The following CCT6A variants were observed in gnomAD, a reference collection of about 807,000 sequenced individuals.
CCT6A encodes the protein T-complex protein 1 subunit zeta.
In CCT6A, 6 loss-of-function variants were observed where a neutral mutation model predicts 58.6. The ratio of observed to expected loss-of-function variants is 0.10; its 90% CI spans 0.06 to 0.20. The LOEUF is 0.20. CCT6A is among the 10% of genes least tolerant of loss of function. The pLI is 1.00. For synonymous variants in CCT6A, 245 were observed against 227.8 expected (o/e 1.08, Z -0.68); for missense variants, 516 against 648.8 (o/e 0.80, Z 2.22).
At chr7:56,062,816 C>G in intron 13 of CCT6A, 61 bp downstream of exon 13, 1 of 1,435,400 alleles carries the variant, frequency 7.0e-7, no homozygotes, top group Non-Finnish European at 9.8e-7. Flanking sequence ...ATTTGGTGTT[C>G]TCTGTTTAGT....
At chr7:56,062,832 C>G (rs1679606523) in intron 13 of CCT6A, 77 bp downstream of exon 13, 2 of 1,300,584 alleles carry the variant, frequency 1.5e-6, no homozygotes, top group South Asian at 2.4e-5. Context: ...TTAGTTGCTC[C>G]TTTCCCCCAT....
At chr7:56,056,844 G>A (rs1167637721) in intron 5 of CCT6A, among the ~76,000 whole-genome samples, 1 of 150,864 alleles carries the variant, frequency 6.6e-6, no homozygotes, top group Non-Finnish European at 1.5e-5. Context: ...GCCCAGCCTG[G>A]AGTGTACAGT....
At chr7:56,059,190 G>C (rs1366578811) in intron 8 of CCT6A, among the ~76,000 whole-genome samples, 1 of 151,788 alleles carries the variant, frequency 6.6e-6, no homozygotes. Flanking sequence ...TAGTAGAGAT[G>C]GGGTTTTGCC....
rs199885479 is a variant in CCT6A at position 56,058,751 on chromosome 7, A to C, written c.968+49A>C. On this transcript the variant is annotated intron_variant, in intron 8 of 13. Transcript: ENST00000275603. ...CTCATTTTGCAAGTGAATTGGGATT[A>C]TTTCTTTTTCCTTATACTTTATTTT... The C allele has an allele frequency of 5.0e-5, 57 of 1,140,404 alleles. No individual in the cohort carries two copies. The African/African-American group carries it at 6.0e-4, about 12-fold the overall frequency. The allele number at this position is 1,140,404 out of a possible 1,614,324, so 70.6% of individuals were successfully genotyped here.
Position 56,060,158 on chromosome 7 carries a change from G to C in CCT6A, c.1066-111G>C, listed in dbSNP as rs987874852. 3.5e-5 allele frequency: 31 copies of C among 894,162 alleles called. No individual in the cohort carries two copies. In the East Asian group the frequency reaches 7.7e-4, roughly 22 times the overall value. The allele number at this position is 894,162 out of a possible 1,614,324, so 55.4% of individuals were successfully genotyped here. A position where few individuals can be genotyped will look rare whatever the true frequency, so the allele number is the denominator to read the frequency against. ...AAAAGGAGATAATTTGCTTTAATGTGATCAAGTTTGTTCCTTATTAATATG... is the reference window on the plus strand; with the variant it reads ...AAAAGGAGATAATTTGCTTTAATGTCATCAAGTTTGTTCCTTATTAATATG... On this transcript the variant is annotated intron_variant, in intron 9 of 13. Transcript: ENST00000275603.
Position 56,060,849 on chromosome 7 carries a change from C to T in CCT6A, c.1256C>T (p.Ala419Val), listed in dbSNP as rs772598240. The change falls in exon 11 of 14, where the codon GCA becomes GTA. Residue 419 changes from alanine (A) to valine (V), a missense_variant. Ala to Val is a moderately conservative substitution (Grantham distance 64). Transcript: ENST00000275603. Reference protein sequence around the residue: ...PGAGAVEVAMAEALIKHKPSV... With the variant: ...PGAGAVEVAMVEALIKHKPSV... ...GCTGGTGCCGTGGAAGTGGCAATGG[C>T]AGAAGCCCTGATTAAACATAAGCCC... is the stretch of plus-strand genomic sequence containing the variant. The T allele has an allele frequency of 8.1e-6, 13 of 1,613,148 alleles. No homozygotes were observed. In the African/African-American group the frequency reaches 1.6e-4, roughly 20 times the overall value.
chr7:56,055,021 C>T (rs1271689036), intron 3 of CCT6A, among the ~76,000 whole-genome samples: 2 of 152,198 alleles, frequency 1.3e-5, no homozygotes, highest in Non-Finnish European at 2.9e-5. Flanking sequence ...CGCCCATAAT[C>T]CCAGCACTTT....
chr7:56,052,837 A>G (rs1794193939), intron 2 of CCT6A, among the ~76,000 whole-genome samples: 1 of 148,802 alleles, frequency 6.7e-6, no homozygotes, highest in African/African-American at 2.5e-5. Flanking sequence ...TCTGTCGACC[A>G]GCCTGGAGTC....
At chr7:56,052,325 C>G (rs1370504171) in intron 1 of CCT6A, 97 bp from the exon 2 acceptor site, 1 of 1,070,922 alleles carries the variant, frequency 9.3e-7, no homozygotes, top group Non-Finnish European at 1.5e-6. Context: ...CCCCACATCC[C>G]TGGCTCCCTA....
At chr7:56,059,780 C>T in intron 9 of CCT6A, 140 bp downstream of exon 9, 1 of 576,032 alleles carries the variant, frequency 1.7e-6, no homozygotes, top group Non-Finnish European at 3.1e-6. Flanking sequence ...CCTCATCTTC[C>T]TGGGTTCAAG....
In CCT6A at chr7:56,052,215, C is replaced by G. The variant is rs548694721; in HGVS notation, c.138-207C>G. On this transcript the variant is annotated intron_variant, in intron 1 of 13. Coordinates refer to ENST00000275603, the MANE Select transcript of CCT6A (RefSeq NM_001762.4). ...AAGCGGCTCTAGAGCGCGGCGTTCCCCGCCCTCTGGGGCTTCCAGGCACCC... is the reference window on the plus strand; with the variant it reads ...AAGCGGCTCTAGAGCGCGGCGTTCCGCGCCCTCTGGGGCTTCCAGGCACCC... Among the ~76,000 whole-genome samples, 226 of 152,352 alleles carry G rather than the reference C, an allele frequency of 1.5e-3. 3 individuals carry two copies. The highest frequency in any genetic ancestry group is 5.2e-3 in the African/African-American group (217 of 41,596).
chr7:56,055,128 GC>G (rs1794278167), intron 3 of CCT6A, among the ~76,000 whole-genome samples: 1 of 152,144 alleles, frequency 6.6e-6, no homozygotes, highest in Non-Finnish European at 1.5e-5. Context: ...ACAAAAATTA[GC>G]CAGGCGTGGT....
intron 5 of CCT6A, 134 bp downstream of exon 5, chr7:56,056,548 C>G: frequency 1.7e-6 from 1 of 588,428 alleles, no homozygotes; most frequent in Non-Finnish European, 3.1e-6. Flanking sequence ...CATGGGGAAA[C>G]CCCGTCTCTA....
chr7:56,063,971 A>G lies in CCT6A; in HGVS notation c.*886A>G, dbSNP rs922172018. Reference sequence around the variant, plus strand: ...GTGGCCTGAAGTGAGTTGTGCAATAAATGTTAAGTTGAAACCTCCTTTCTG... The same window carrying G: ...GTGGCCTGAAGTGAGTTGTGCAATAGATGTTAAGTTGAAACCTCCTTTCTG... On this transcript the variant is annotated 3_prime_UTR_variant, in exon 14 of 14. Coordinates refer to ENST00000275603, the MANE Select transcript of CCT6A (RefSeq NM_001762.4). The G allele has an allele frequency of 6.5e-6, 3 of 462,088 alleles. No individual in the cohort carries two copies. Among genetic ancestry groups the G allele is most frequent in the African/African-American group, 6.2e-5 (3 of 48,096 alleles). The allele number at this position is 462,088 out of a possible 1,614,324, so 28.6% of individuals were successfully genotyped here.
chr7:56,063,132 C>T lies in CCT6A; in HGVS notation c.*47C>T, dbSNP rs1293951703. 2 of 1,252,198 alleles carry T rather than the reference C, an allele frequency of 1.6e-6. No homozygotes were observed. The highest frequency in any genetic ancestry group is 2.4e-6 in the Non-Finnish European group (2 of 849,190). The allele number at this position is 1,252,198 out of a possible 1,614,324, so 77.6% of individuals were successfully genotyped here. On this transcript the variant is annotated 3_prime_UTR_variant, in exon 14 of 14. Transcript: ENST00000275603. ...GAATCTTGAAGACTGCAAAGTGATC[C>T]TGAGGATTACAGCTGTGGAATTTTT...
chr7:56,055,652 G>C lies in CCT6A; in HGVS notation c.365G>C (p.Gly122Ala), dbSNP rs749946727. 14 of 1,613,704 alleles carry C rather than the reference G, an allele frequency of 8.7e-6. No homozygotes were observed. Residue 122 changes from glycine to alanine, a missense_variant, in exon 4 of 14, where the codon GGA becomes GCA. Around this residue, in one of 3 missense-constraint regions of CCT6A, gnomAD observed 116 missense variants for 184.5 expected, o/e 0.63. Transcript: ENST00000275603. ...EGLHPRIITEGFEAAKEKALQ... is the reference protein window; with the variant it reads ...EGLHPRIITEAFEAAKEKALQ... ...CTTCATCCTAGAATAATCACTGAAG[G>C]ATTTGAAGCTGCAAAGGAAAAGGCC...
chr7:56,060,465 G>C lies in CCT6A; in HGVS notation c.1213+49G>C, dbSNP rs574791322. Reference sequence around the variant, plus strand: ...TTCTTTTATATTGTTTTGCTGGTCTGAAAGGCATGGCCGAATACTGTGTTT... The same window carrying C: ...TTCTTTTATATTGTTTTGCTGGTCTCAAAGGCATGGCCGAATACTGTGTTT... On this transcript the variant is annotated intron_variant, in intron 10 of 13. Transcript: ENST00000275603. 5 of 1,575,396 alleles carry C rather than the reference G, an allele frequency of 3.2e-6. No individual in the cohort carries two copies. The South Asian group carries it at 3.3e-5, about 10-fold the overall frequency.
chr7:56,059,673 C>G lies in CCT6A; in HGVS notation c.1065+33C>G, dbSNP rs766409952. The stretch of plus-strand genomic sequence containing the variant: ...TATTTTTTTCTTAAAGGTAATAGAA[C>G]CTTTTAGCTCGTGAATTATTTTTGT... On this transcript the variant is annotated intron_variant, in intron 9 of 13. Transcript: ENST00000275603. 4 of 1,017,330 alleles carry G rather than the reference C, an allele frequency of 3.9e-6. 1 individual carries two copies. Among genetic ancestry groups the G allele is most frequent in the South Asian group, 2.6e-5 (2 of 77,808 alleles). 63.0% of individuals were successfully genotyped at this position (1,017,330 alleles called of 1,614,324 possible).
intron 9 of CCT6A, 58 bp from the exon 10 acceptor site, chr7:56,060,208 CTCT>C (rs1217612514): frequency 4.8e-6 from 7 of 1,449,826 alleles, no homozygotes; most frequent in African/African-American, 1.4e-5. Context: ...CTGTAAGTCC[CTCT>C]TCTCTCTTCA....
Sources: gnomAD v4.1 joint callset for allele counts (sites outside exome capture counted in the v4.1 genomes callset) on GRCh38, gnomAD v4.1.1 for gene constraint, gnomAD v4.1.1 regional missense constraint, MANE v1.5 for transcripts, NCBI Gene and HGNC (gene_info 2026-07-23, HGNC 2026-07-21) for gene names.